Variants in PCDHA10 observed in about 807,000 individuals in gnomAD.
PCDHA10 encodes protocadherin alpha-10.
Under a neutral mutation model 61.2 loss-of-function variants are expected in PCDHA10, and 45 were observed. The observed-to-expected ratio is 0.74, with a 90% CI of 0.58 to 0.94. The LOEUF (loss-of-function observed/expected upper bound fraction) is 0.94, where lower values mean the gene tolerates loss of function less well. Among genes scored for constraint, PCDHA10 ranks in the 40% least tolerant of loss-of-function variants. The pLI, the probability that PCDHA10 is intolerant of heterozygous loss-of-function variation, is 0.00. For missense variants in PCDHA10, 1,278 were observed against 1,236.2 expected (o/e 1.03, Z -0.51); for synonymous variants, 602 against 548.8 (o/e 1.10, Z -1.35).
chr5:140,956,540 G>A (rs1356910892), intron 1 of PCDHA10, among the ~76,000 whole-genome samples: 1 of 152,186 alleles, frequency 6.6e-6, no homozygotes, highest in Non-Finnish European at 1.5e-5. Context: ...TGTGCTGCTG[G>A]ATTTGGTTTG....
At chr5:140,913,808 A>T (rs1332519291) in intron 1 of PCDHA10, among the ~76,000 whole-genome samples, 1 of 152,102 alleles carries the variant, frequency 6.6e-6, no homozygotes, top group Non-Finnish European at 1.5e-5. Context: ...TCAAATTTTC[A>T]ATTTCCTTTT....
intron 1 of PCDHA10, among the ~76,000 whole-genome samples, chr5:140,931,749 G>A (rs368438680): frequency 2.0e-5 from 3 of 151,878 alleles, no homozygotes; most frequent in East Asian, 3.9e-4. Context: ...ATTCACAAAG[G>A]CATTTGTTAT....
At chr5:140,981,537 G>A (rs375537131) in intron 2 of PCDHA10, among the ~76,000 whole-genome samples, 2 of 152,172 alleles carry the variant, frequency 1.3e-5, no homozygotes, top group East Asian at 1.9e-4. Flanking sequence ...TCGTGCCACT[G>A]TACTCCAGCC....
At chr5:140,996,094 T>C (rs1428375932) in intron 3 of PCDHA10, among the ~76,000 whole-genome samples, 1 of 152,192 alleles carries the variant, frequency 6.6e-6, no homozygotes, top group Non-Finnish European at 1.5e-5. Flanking sequence ...CTAGATTACA[T>C]GGAATGGTAT....
chr5:140,886,637 C>A (rs1379156415), intron 1 of PCDHA10, among the ~76,000 whole-genome samples: 3 of 151,848 alleles, frequency 2.0e-5, no homozygotes, highest in Non-Finnish European at 4.4e-5. Context: ...ACCAGCCTGG[C>A]CAACATGGTG....
At chr5:140,966,835 G>A in intron 1 of PCDHA10, 10 of 1,564,886 alleles carry the variant, frequency 6.4e-6, no homozygotes, top group Non-Finnish European at 7.8e-6. Flanking sequence ...TGCCCTGGCT[G>A]CTGCTACTGC....
intron 1 of PCDHA10, among the ~76,000 whole-genome samples, chr5:140,911,234 C>A (rs1554194655): frequency 6.6e-6 from 1 of 151,890 alleles, no homozygotes; most frequent in South Asian, 2.1e-4. Context: ...TTTCTTCTGG[C>A]AAAAAAAGTT....
intron 1 of PCDHA10, among the ~76,000 whole-genome samples, chr5:140,885,674 C>A (rs1041500524): frequency 2.1e-4 from 32 of 152,192 alleles, no homozygotes; most frequent in African/African-American, 7.0e-4. Flanking sequence ...AGCACTCTTT[C>A]TATCTCAAGA....
At position 140,978,795 on chromosome 5, in the gene PCDHA10, G is replaced by A. The variant is rs1437973642; in HGVS notation, c.2389-154G>A. 3 of 979,120 alleles carry A rather than the reference G, an allele frequency of 3.1e-6. No individual in the cohort carries two copies. The African/African-American group carries it at 5.3e-5, about 17-fold the overall frequency. The allele number at this position is 979,120 out of a possible 1,614,324, so 60.7% of individuals were successfully genotyped here. On this transcript the variant is annotated intron_variant, in intron 1 of 3. Coordinates refer to ENST00000307360, the MANE Select transcript of PCDHA10 (RefSeq NM_018901.4). ...AATTTTCTTCTAAAGTGCTATATAT[G>A]TAGATATCATCATAGAGTTACACAT...
chr5:140,980,021 A>C (rs1472439975), intron 2 of PCDHA10, among the ~76,000 whole-genome samples: 2 of 152,248 alleles, frequency 1.3e-5, no homozygotes. Context: ...AAATGAGCAG[A>C]AATCATTACA....
chr5:140,876,408 G>T, intron 1 of PCDHA10: 1 of 1,613,942 alleles, frequency 6.2e-7, no homozygotes, highest in Non-Finnish European at 8.5e-7. Flanking sequence ...ATTTTGAAGA[G>T]AATAATGCCT....
chr5:140,868,762 A>G (rs2050634437), intron 1 of PCDHA10: 1 of 233,926 alleles, frequency 4.3e-6, no homozygotes, highest in African/African-American at 2.3e-5. Flanking sequence ...ATATATATTT[A>G]GTTTCAATAT....
At chr5:140,990,134 CAA>C (rs2097375582) in intron 3 of PCDHA10, among the ~76,000 whole-genome samples, 2 of 151,958 alleles carry the variant, frequency 1.3e-5, no homozygotes, top group Non-Finnish European at 2.9e-5. Flanking sequence ...AAGTCAGACT[CAA>C]GAGGCATAAT....
At chr5:140,960,763 C>A (rs1424215578) in intron 1 of PCDHA10, among the ~76,000 whole-genome samples, 1 of 151,896 alleles carries the variant, frequency 6.6e-6, no homozygotes, top group Non-Finnish European at 1.5e-5. Flanking sequence ...CCAAGAGTTA[C>A]AGAGGAGAAA....
chr5:140,963,811 G>A (rs2153736544), intron 1 of PCDHA10, among the ~76,000 whole-genome samples: 1 of 152,288 alleles, frequency 6.6e-6, no homozygotes, highest in Middle Eastern at 3.4e-3. Context: ...TAGTCACTGT[G>A]CAAATTGCTT....
chr5:140,926,997 C>T (rs782110120), intron 1 of PCDHA10: 3 of 1,612,104 alleles, frequency 1.9e-6, no homozygotes, highest in Admixed American at 3.3e-5. Context: ...GGGGCGTAGC[C>T]GTAGGCAATC....
intron 1 of PCDHA10, chr5:140,870,414 G>A (rs374225281): frequency 4.0e-5 from 64 of 1,614,112 alleles, no homozygotes; most frequent in Non-Finnish European, 5.0e-5. Context: ...TGTGGGCCAC[G>A]GCCAGGGTAT....
In PCDHA10 at chr5:140,884,360, G is replaced by A. The variant is rs782401694; in HGVS notation, c.2388+25924G>A. On this transcript the variant is annotated intron_variant, in intron 1 of 3. Coordinates refer to ENST00000307360, the MANE Select transcript of PCDHA10 (RefSeq NM_018901.4). ...AGAAGCGGCGCTGGTGGATGTCAAT[G>A]TTTACTTGATCATTGCCATCTGCGC... The A allele has an allele frequency of 3.1e-6, 5 of 1,613,852 alleles. No individual in the cohort carries two copies. The African/African-American group carries it at 4.0e-5, about 13-fold the overall frequency.
chr5:140,912,744 T>A (rs944833912), intron 1 of PCDHA10, among the ~76,000 whole-genome samples: 1 of 152,188 alleles, frequency 6.6e-6, no homozygotes, highest in Non-Finnish European at 1.5e-5. Context: ...TGTGGGTCTG[T>A]CATAGATGGC....
Sources: allele counts gnomAD v4.1 joint callset (sites outside exome capture counted in the v4.1 genomes callset), GRCh38; gene constraint gnomAD v4.1.1; transcripts MANE v1.5; gene names NCBI Gene and HGNC (gene_info 2026-07-23, HGNC 2026-07-21).